The following AFG2A variants were observed in gnomAD, a reference collection of about 807,000 sequenced individuals.
AFG2A encodes the protein AAA ATPase AFG2A.
chr4:123,268,479 T>C, the AFG2A span, among the ~76,000 whole-genome samples: 1 of 152,164 alleles, frequency 6.6e-6, no homozygotes, highest in Non-Finnish European at 1.5e-5. Context: ...TTTCCAAGAT[T>C]TGAACATTAA....
At chr4:122,979,416 ACT>A in the AFG2A span, 1 of 1,603,318 alleles carries the variant, frequency 6.2e-7, no homozygotes, top group Non-Finnish European at 8.5e-7. Context: ...CACTAGCTAC[ACT>A]GTTTGAATTA....
the AFG2A span, among the ~76,000 whole-genome samples, chr4:122,983,244 A>C: frequency 2.0e-5 from 3 of 152,008 alleles, no homozygotes; most frequent in Non-Finnish European, 2.9e-5. Flanking sequence ...AAAAACAACT[A>C]ATGTTGATCT....
At chr4:123,058,803 C>T in the AFG2A span, among the ~76,000 whole-genome samples, 1 of 64,144 alleles carries the variant, frequency 1.6e-5, no homozygotes, top group African/African-American at 5.2e-5. Flanking sequence ...ACAGCCAAAC[C>T]ATATCATTCC....
At chr4:123,174,899 C>T in the AFG2A span, among the ~76,000 whole-genome samples, 3 of 151,894 alleles carry the variant, frequency 2.0e-5, no homozygotes, top group African/African-American at 4.8e-5. Flanking sequence ...GGCACGATCA[C>T]GGCTCACTGC....
chr4:123,056,347 A>T, the AFG2A span: 1,034 of 1,575,184 alleles, frequency 6.6e-4, 14 homozygotes, highest in South Asian at 0.011. Flanking sequence ...ACATGATTGC[A>T]TTTATAAAGA....
the AFG2A span, among the ~76,000 whole-genome samples, chr4:123,227,673 A>G: frequency 1.3e-5 from 2 of 152,188 alleles, no homozygotes; most frequent in South Asian, 4.1e-4. Context: ...GGTGCTGAAA[A>G]GAATGTATAT....
At chr4:122,936,082 G>A in the AFG2A span, 5 of 1,579,754 alleles carry the variant, frequency 3.2e-6, no homozygotes, top group Admixed American at 1.8e-5. Flanking sequence ...GTCTTTAAAT[G>A]TATTTTATTT....
At chr4:123,250,097 G>T in the AFG2A span, among the ~76,000 whole-genome samples, 5 of 152,090 alleles carry the variant, frequency 3.3e-5, no homozygotes, top group Admixed American at 3.3e-4. Context: ...GAGCCAATGG[G>T]ACCTGATTTT....
chr4:123,087,202 G>A, the AFG2A span, among the ~76,000 whole-genome samples: 1 of 152,204 alleles, frequency 6.6e-6, no homozygotes, highest in African/African-American at 2.4e-5. Context: ...ATGGTAAGGT[G>A]TTGGGGGGAG....
chr4:123,114,965 G>A, the AFG2A span, among the ~76,000 whole-genome samples: 5 of 152,210 alleles, frequency 3.3e-5, no homozygotes, highest in African/African-American at 9.6e-5. Flanking sequence ...CTGCAATGGC[G>A]GCTCCGAACT....
the AFG2A span, among the ~76,000 whole-genome samples, chr4:123,250,541 AT>A: frequency 6.6e-6 from 1 of 152,082 alleles, no homozygotes; most frequent in Non-Finnish European, 1.5e-5. Flanking sequence ...AATTGGGAGT[AT>A]TTTTTGTATG....
the AFG2A span, among the ~76,000 whole-genome samples, chr4:123,255,288 A>C: frequency 1.3e-5 from 2 of 152,012 alleles, no homozygotes; most frequent in African/African-American, 4.8e-5. Flanking sequence ...TGGGAGACCA[A>C]GGCAGGCAGA....
At chr4:122,978,901 A>G in the AFG2A span, among the ~76,000 whole-genome samples, 1 of 152,236 alleles carries the variant, frequency 6.6e-6, no homozygotes, top group African/African-American at 2.4e-5. Context: ...GAGGCCAGGC[A>G]GTAGAAGCAG....
chr4:123,289,059 G>T, the AFG2A span, among the ~76,000 whole-genome samples: 4 of 152,094 alleles, frequency 2.6e-5, no homozygotes, highest in Non-Finnish European at 5.9e-5. Flanking sequence ...GTGGTTTTTG[G>T]TTACATGGAT....
At chr4:122,935,634 A>C in the AFG2A span, 3 of 1,442,090 alleles carry the variant, frequency 2.1e-6, no homozygotes, top group Non-Finnish European at 1.8e-6. Context: ...AAATTTTATA[A>C]CTCATGTTTG....
the AFG2A span, among the ~76,000 whole-genome samples, chr4:123,101,304 G>A: frequency 6.6e-6 from 1 of 151,888 alleles, no homozygotes; most frequent in Admixed American, 6.6e-5. Flanking sequence ...AAGAACAGAT[G>A]AAAGTAAAAT....
At chr4:123,227,026 A>G in the AFG2A span, among the ~76,000 whole-genome samples, 9 of 152,138 alleles carry the variant, frequency 5.9e-5, no homozygotes, top group Non-Finnish European at 8.8e-5. Flanking sequence ...CTCTGATGGT[A>G]GTTTGTATTT....
chr4:123,264,892 A>G, the AFG2A span, among the ~76,000 whole-genome samples: 3,326 of 152,242 alleles, frequency 0.022, 65 homozygotes, highest in Non-Finnish European at 0.035. Context: ...AATTAATTGT[A>G]TAAGGAATCC....
chr4:123,301,812 C>G, the AFG2A span, among the ~76,000 whole-genome samples: 1 of 152,170 alleles, frequency 6.6e-6, no homozygotes, highest in Non-Finnish European at 1.5e-5. Flanking sequence ...CCAAGCAAAT[C>G]TGCTGATTAG....
Sources: gnomAD v4.1 joint callset for allele counts (sites outside exome capture counted in the v4.1 genomes callset) on GRCh38, gnomAD v4.1.1 for gene constraint, MANE v1.5 for transcripts, NCBI Gene and HGNC (gene_info 2026-07-23, HGNC 2026-07-21) for gene names.